ZNF324B: variants seen among roughly 807,000 people sequenced by gnomAD.
The protein encoded by ZNF324B is zinc finger protein 324B.
ZNF324B carries 7 observed loss-of-function variants against 10.6 expected under a neutral mutation model. The observed-to-expected ratio is 0.66, with a 90% CI of 0.38 to 1.24. ZNF324B has a LOEUF of 1.24. ZNF324B is among the 50% of genes most tolerant of loss of function. The probability of loss-of-function intolerance (pLI) is 0.02; values close to 1 mark genes in which losing one functional copy is unlikely to be tolerated. For synonymous variants in ZNF324B, 316 were observed against 321.0 expected, an observed-to-expected ratio of 0.98 and a Z score of 0.17; for missense variants, 640 against 764.7, an observed-to-expected ratio of 0.84 and a Z score of 1.92.
the ZNF324B span, among the ~76,000 whole-genome samples, chr19:58,431,937 G>A: frequency 7.9e-5 from 12 of 152,244 alleles, no homozygotes; most frequent in East Asian, 5.8e-4. Flanking sequence ...GGAGCTTGCC[G>A]TGAGCCAAAA....
At chr19:58,437,051 T>A in the ZNF324B span, 28 of 1,614,020 alleles carry the variant, frequency 1.7e-5, no homozygotes, top group African/African-American at 3.6e-4. Flanking sequence ...CATTACCAAG[T>A]GAGGTCACAA....
chr19:58,428,602 G>A, the ZNF324B span: 1 of 152,202 alleles, frequency 6.6e-6, no homozygotes, highest in African/African-American at 2.4e-5. Flanking sequence ...TACCTGTGCA[G>A]TGATGGCCAT....
chr19:58,422,238 C>T, the ZNF324B span, among the ~76,000 whole-genome samples: 4 of 152,104 alleles, frequency 2.6e-5, no homozygotes, highest in Non-Finnish European at 5.9e-5. Flanking sequence ...ATGGCAGAAA[C>T]TCTCAACTAG....
chr19:58,437,292 A>G, the ZNF324B span: 1 of 1,450,474 alleles, frequency 6.9e-7, no homozygotes, highest in Non-Finnish European at 9.3e-7. Flanking sequence ...TGATACATCT[A>G]CCACTAATAT....
At chr19:58,432,510 A>T in the ZNF324B span, among the ~76,000 whole-genome samples, 3 of 152,120 alleles carry the variant, frequency 2.0e-5, no homozygotes, top group African/African-American at 7.2e-5. Context: ...AGAGTCCTCC[A>T]TGGACCCCTC....
chr19:58,454,846 A>C (rs1490645301), intron 3 of ZNF324B: 1 of 528,986 alleles, frequency 1.9e-6, no homozygotes, highest in Non-Finnish European at 3.4e-6. Context: ...ACGGGGCACC[A>C]GGGGAGAAGG....
chr19:58,419,716 G>A, the ZNF324B span, among the ~76,000 whole-genome samples: 1 of 152,176 alleles, frequency 6.6e-6, no homozygotes, highest in South Asian at 2.1e-4. Context: ...GGATGCTGTG[G>A]CCTTTGCAGT....
At chr19:58,443,635 G>T in the ZNF324B span, 1 of 152,256 alleles carries the variant, frequency 6.6e-6, no homozygotes, top group Non-Finnish European at 1.5e-5. Context: ...ATCACATGCA[G>T]CTGGGTCGTT....
the ZNF324B span, chr19:58,433,537 A>G: frequency 6.2e-7 from 1 of 1,614,162 alleles, no homozygotes; most frequent in Non-Finnish European, 8.5e-7. Flanking sequence ...GTTACTGCTA[A>G]AGGCTCTCCC....
chr19:58,434,145 G>A, the ZNF324B span: 1 of 1,613,902 alleles, frequency 6.2e-7, no homozygotes. Flanking sequence ...CACATTCACT[G>A]CATTCATACG....
At chr19:58,422,271 C>T in the ZNF324B span, among the ~76,000 whole-genome samples, 12 of 152,132 alleles carry the variant, frequency 7.9e-5, no homozygotes, top group African/African-American at 2.9e-4. Context: ...CATACCTCAA[C>T]ATAATAATGG....
At chr19:58,451,527 G>A, upstream of ZNF324B, 2 of 487,166 alleles carry the variant, frequency 4.1e-6, no homozygotes, top group South Asian at 1.5e-5. Flanking sequence ...CGAAAAACAG[G>A]CAGGAACCAC....
chr19:58,455,450 C>G lies in ZNF324B; in HGVS notation c.506C>G (p.Pro169Arg), dbSNP rs767436358. 4 of 1,614,140 alleles carry G rather than the reference C, an allele frequency of 2.5e-6. No homozygotes were observed. The highest frequency in any genetic ancestry group is 3.4e-6 in the Non-Finnish European group (4 of 1,179,992). The change falls in exon 4 of 4, where the codon CCC becomes CGC. Residue 169 changes from proline to arginine, a missense_variant. This residue lies in a region of ZNF324B where 345 missense variants were observed against 387.9 expected (regional missense o/e 0.89). Coordinates refer to ENST00000336614, the MANE Select transcript of ZNF324B (RefSeq NM_207395.3). This position sits in a 1 kb window ranked among gnomAD's most constrained non-coding sequence, Gnocchi z 7.0. ...SLRLTSPLRP[P>R]KSSRPREKTF... is the part of the protein sequence containing the mutation. ...CGACTGACCTCCCCACTCAGGCCCC[C>G]CAAGAGCAGCCGGCCCAGGGAAAAG...
intron 3 of ZNF324B, chr19:58,454,965 C>T (rs552697809): frequency 6.8e-4 from 487 of 711,650 alleles, no homozygotes; most frequent in Admixed American, 1.1e-3. Context: ...TGGGGGCTGC[C>T]GCCTTGATCA....
chr19:58,455,211 T>C lies in ZNF324B; in HGVS notation c.267T>C (p.Asp89=). ...SGSWSLTEDR[D]VSGEWPRAFP... Reference sequence around the variant, plus strand: ...CCTGGAGTTTGACAGAGGATAGAGATGTTTCTGGAGAATGGCCACGAGCTT... The same window carrying C: ...CCTGGAGTTTGACAGAGGATAGAGACGTTTCTGGAGAATGGCCACGAGCTT... Residue 89 remains aspartate, a synonymous_variant, in exon 4 of 4, where the codon GAT becomes GAC. Coordinates refer to ENST00000336614, the MANE Select transcript of ZNF324B (RefSeq NM_207395.3). This position sits in a 1 kb window ranked among gnomAD's most constrained non-coding sequence, Gnocchi z 7.0. 1.2e-6 allele frequency: 2 copies of C among 1,614,168 alleles called. No individual in the cohort carries two copies. Among genetic ancestry groups the C allele is most frequent in the Non-Finnish European group, 1.7e-6 (2 of 1,180,034 alleles).
the ZNF324B span, among the ~76,000 whole-genome samples, chr19:58,427,324 T>TTTCC: frequency 1.1e-5 from 1 of 92,608 alleles, no homozygotes; most frequent in South Asian, 3.3e-4. Context: ...TCTTTCTTTC[T>TTTCC]TTCTTTCTTT....
chr19:58,445,138 T>C, the ZNF324B span: 1 of 290,208 alleles, frequency 3.4e-6, no homozygotes, highest in South Asian at 3.0e-5. Context: ...CAAAAACAAA[T>C]TAACACCGGA....
chr19:58,439,071 G>C, the ZNF324B span, among the ~76,000 whole-genome samples: 1 of 152,204 alleles, frequency 6.6e-6, no homozygotes, highest in Non-Finnish European at 1.5e-5. Context: ...ACTGCACTCA[G>C]CCTTAGGTCA....
intron 1 of ZNF324B, chr19:58,451,998 G>A (rs374579567): frequency 0.011 from 2,539 of 241,146 alleles, 49 homozygotes; most frequent in African/African-American, 0.049. Flanking sequence ...GCGCCGGGGG[G>A]GCGGGGGAGT....
Sources: gnomAD v4.1 joint callset for allele counts (sites outside exome capture counted in the v4.1 genomes callset) on GRCh38, gnomAD v4.1.1 for gene constraint, gnomAD v4.1.1 regional missense constraint, Gnocchi (gnomAD v3.1) non-coding constraint, MANE v1.5 for transcripts, NCBI Gene and HGNC (gene_info 2026-07-23, HGNC 2026-07-21) for gene names.